The following NRXN1 variants were observed in gnomAD, a reference collection of about 807,000 sequenced individuals.
NRXN1 encodes neurexin-1.
NRXN1 carries 39 observed loss-of-function variants against 150.9 expected under a neutral mutation model. The ratio of observed to expected loss-of-function variants is 0.26; its 90% CI spans 0.20 to 0.34. The LOEUF (loss-of-function observed/expected upper bound fraction) is 0.34. NRXN1 is among the 10% of genes least tolerant of loss of function. NRXN1 has a pLI of 1.00. For missense variants in NRXN1, 1,815 were observed against 1,949.9 expected, an observed-to-expected ratio of 0.93 and a Z score of 1.30; for synonymous variants, 924 against 757.0, an observed-to-expected ratio of 1.22 and a Z score of -3.62.
At chr2:50,889,900 C>T (rs1680803357) in intron 5 of NRXN1, among the ~76,000 whole-genome samples, 1 of 151,618 alleles carries the variant, frequency 6.6e-6, no homozygotes, top group Admixed American at 6.6e-5. Context: ...TTAAGTATTT[C>T]CTTTCAGTTA....
At chr2:50,712,803 A>T (rs1167631545) in intron 5 of NRXN1, among the ~76,000 whole-genome samples, 1 of 152,172 alleles carries the variant, frequency 6.6e-6, no homozygotes, top group Non-Finnish European at 1.5e-5. Context: ...CAGGGTGCCA[A>T]CCTACTCAGC....
chr2:50,536,593 C>T (rs963793954), intron 10 of NRXN1, among the ~76,000 whole-genome samples: 3 of 152,120 alleles, frequency 2.0e-5, no homozygotes, highest in African/African-American at 7.2e-5. Context: ...TGAGTTATAC[C>T]CTTTTTTCAG....
intron 17 of NRXN1, among the ~76,000 whole-genome samples, chr2:50,451,400 T>C (rs1384672950): frequency 2.0e-5 from 3 of 152,206 alleles, no homozygotes; most frequent in African/African-American, 7.2e-5. Context: ...AGTCTGCTCA[T>C]TCACTGAACG....
At chr2:50,440,542 A>G (rs1422057851) in intron 17 of NRXN1, among the ~76,000 whole-genome samples, 1 of 152,128 alleles carries the variant, frequency 6.6e-6, no homozygotes, top group African/African-American at 2.4e-5. Flanking sequence ...ATGAGAAAAT[A>G]AGGCAGGAAA....
At chr2:50,701,595 C>T (rs1693751037) in intron 5 of NRXN1, among the ~76,000 whole-genome samples, 1 of 152,112 alleles carries the variant, frequency 6.6e-6, no homozygotes, top group African/African-American at 2.4e-5. Flanking sequence ...ATTTATTATT[C>T]TCTGTCAGCG....
chr2:50,476,850 G>C (rs964979635), intron 15 of NRXN1, among the ~76,000 whole-genome samples: 3 of 152,144 alleles, frequency 2.0e-5, no homozygotes, highest in African/African-American at 7.2e-5. Context: ...TAGGAAAGTT[G>C]CTTGACAAAT....
chr2:50,258,017 T>C (rs2067880649), intron 17 of NRXN1, among the ~76,000 whole-genome samples: 1 of 152,014 alleles, frequency 6.6e-6, no homozygotes, highest in Admixed American at 6.6e-5. Context: ...AATACTTTAT[T>C]GCTAAATCAT....
chr2:50,715,717 C>T (rs1695781448), intron 5 of NRXN1, among the ~76,000 whole-genome samples: 3 of 152,108 alleles, frequency 2.0e-5, no homozygotes, highest in African/African-American at 7.2e-5. Context: ...CTTCCTATAT[C>T]TACATGAAAA....
intron 2 of NRXN1, among the ~76,000 whole-genome samples, chr2:50,988,233 T>C (rs923282978): frequency 5.9e-5 from 9 of 152,002 alleles, no homozygotes; most frequent in Non-Finnish European, 1.0e-4. Flanking sequence ...ACTATTCCTG[T>C]GGCATAAACC....
At chr2:51,010,717 C>A (rs1036612514) in intron 2 of NRXN1, among the ~76,000 whole-genome samples, 1 of 151,906 alleles carries the variant, frequency 6.6e-6, no homozygotes, top group East Asian at 1.9e-4. Flanking sequence ...CACACTCCAT[C>A]CAAAGATGCA....
chr2:50,029,616 A>C (rs1688888978), intron 21 of NRXN1, among the ~76,000 whole-genome samples: 1 of 152,096 alleles, frequency 6.6e-6, no homozygotes, highest in Non-Finnish European at 1.5e-5. Flanking sequence ...CCTGCAAGTC[A>C]AGCAAAGAGG....
chr2:50,827,391 G>A (rs12713121), intron 5 of NRXN1, among the ~76,000 whole-genome samples: 55,025 of 151,968 alleles, frequency 0.36, 11,030 homozygotes, highest in Non-Finnish European at 0.47. Context: ...AATAATTAAT[G>A]TGCTTATAAA....
chr2:50,623,194 A>G, intron 6 of NRXN1, 120 bp downstream of exon 6: 1 of 731,584 alleles, frequency 1.4e-6, no homozygotes, highest in Non-Finnish European at 2.2e-6. Flanking sequence ...GAAGAAGAAA[A>G]AGCTAATTTG....
At chr2:50,625,414 T>C (rs1427267497) in intron 5 of NRXN1, among the ~76,000 whole-genome samples, 1 of 152,068 alleles carries the variant, frequency 6.6e-6, no homozygotes, top group African/African-American at 2.4e-5. Flanking sequence ...TAATTCTGAG[T>C]AAGTCATAGG....
chr2:50,826,508 G>A (rs531625589), intron 5 of NRXN1, among the ~76,000 whole-genome samples: 2 of 152,176 alleles, frequency 1.3e-5, no homozygotes, highest in South Asian at 4.2e-4. Flanking sequence ...CCTGACTAAT[G>A]CATCACCTGT....
intron 18 of NRXN1, among the ~76,000 whole-genome samples, chr2:50,211,102 T>G (rs1364324955): frequency 6.6e-6 from 1 of 151,502 alleles, no homozygotes; most frequent in Non-Finnish European, 1.5e-5. Flanking sequence ...TGAAAAAAAT[T>G]TAAAAGTGGC....
intron 9 of NRXN1, among the ~76,000 whole-genome samples, chr2:50,542,448 G>C (rs72882085): frequency 0.046 from 7,059 of 152,188 alleles, 185 homozygotes; most frequent in Middle Eastern, 0.12. Flanking sequence ...GCAAATGGAT[G>C]GATCAGATAT....
chr2:50,869,203 T>A (rs1677400208), intron 5 of NRXN1, among the ~76,000 whole-genome samples: 1 of 151,774 alleles, frequency 6.6e-6, no homozygotes, highest in Non-Finnish European at 1.5e-5. Context: ...CAGTCTGAAA[T>A]AATTTAGATG....
intron 5 of NRXN1, among the ~76,000 whole-genome samples, chr2:50,640,075 G>A (rs1683851296): frequency 6.6e-6 from 1 of 152,116 alleles, no homozygotes; most frequent in African/African-American, 2.4e-5. Flanking sequence ...GTGAGAAAAT[G>A]TCTAGTATTC....
Sources: allele counts gnomAD v4.1 joint callset (sites outside exome capture counted in the v4.1 genomes callset), GRCh38; gene constraint gnomAD v4.1.1; transcripts MANE v1.5; gene names NCBI Gene and HGNC (gene_info 2026-07-23, HGNC 2026-07-21).